Variants in SOX5 observed in about 807,000 individuals in gnomAD.
SOX5 encodes SRY-box transcription factor 5.
A neutral mutation model predicts 92.0 loss-of-function variants in SOX5; 9 were observed. That is an observed-to-expected ratio of 0.10 (90% CI 0.06 to 0.17). The LOEUF is 0.17. Among genes scored for constraint, SOX5 ranks in the 10% least tolerant of loss-of-function variants. SOX5 has a pLI of 1.00. For missense variants in SOX5, 642 were observed against 944.5 expected, an observed-to-expected ratio of 0.68 and a Z score of 4.20; for synonymous variants, 344 against 336.3, an observed-to-expected ratio of 1.02 and a Z score of -0.25.
chr12:23,738,575 A>C (rs1485481251), intron 5 of SOX5: 3 of 152,140 alleles, frequency 2.0e-5, no homozygotes, highest in Non-Finnish European at 2.9e-5. Flanking sequence ...AGGTCTTGGG[A>C]AAGTATTAGA....
intron 2 of SOX5, among the ~76,000 whole-genome samples, chr12:24,356,326 T>A (rs1003772645): frequency 6.6e-6 from 1 of 152,112 alleles, no homozygotes. Flanking sequence ...AAGAGATGAA[T>A]ATAGTGAGTT....
intron 1 of SOX5, among the ~76,000 whole-genome samples, chr12:24,474,459 T>C (rs1171929911): frequency 2.0e-5 from 3 of 152,142 alleles, no homozygotes; most frequent in Non-Finnish European, 4.4e-5. Context: ...CATGGGGAAA[T>C]TTTGTTCTGT....
intron 8 of SOX5, among the ~76,000 whole-genome samples, chr12:23,626,476 G>T (rs912332719): frequency 2.6e-5 from 4 of 152,024 alleles, no homozygotes; most frequent in African/African-American, 9.7e-5. Context: ...TGGATCTTCA[G>T]TGCTGGCTTG....
At chr12:23,574,118 A>G (rs1368194601) in intron 10 of SOX5, among the ~76,000 whole-genome samples, 2 of 151,898 alleles carry the variant, frequency 1.3e-5, no homozygotes, top group Non-Finnish European at 2.9e-5. Context: ...TCTATATTAT[A>G]GTATTAATAT....
intron 1 of SOX5, among the ~76,000 whole-genome samples, chr12:24,390,461 C>T (rs75573841): frequency 7.2e-5 from 11 of 152,040 alleles, no homozygotes; most frequent in African/African-American, 1.2e-4. Flanking sequence ...TTAGGGGGTA[C>T]GCATGCAGTT....
chr12:24,409,019 T>G (rs1405874338), intron 1 of SOX5, among the ~76,000 whole-genome samples: 1 of 152,166 alleles, frequency 6.6e-6, no homozygotes, highest in African/African-American at 2.4e-5. Context: ...TAAAGACACA[T>G]GCACACAAAT....
chr12:23,572,891 T>C (rs1948588819), intron 10 of SOX5, among the ~76,000 whole-genome samples: 1 of 152,176 alleles, frequency 6.6e-6, no homozygotes, highest in African/African-American at 2.4e-5. Flanking sequence ...GTTCCTCTTT[T>C]CACTGTGGCC....
At chr12:24,449,857 C>T (rs1284445207) in intron 1 of SOX5, among the ~76,000 whole-genome samples, 1 of 152,150 alleles carries the variant, frequency 6.6e-6, no homozygotes, top group Non-Finnish European at 1.5e-5. Flanking sequence ...GCCCCTCAGT[C>T]CTTTGTGTAT....
chr12:24,017,455 C>G (rs1363859434), intron 4 of SOX5, among the ~76,000 whole-genome samples: 2 of 151,964 alleles, frequency 1.3e-5, no homozygotes, highest in Non-Finnish European at 2.9e-5. Flanking sequence ...AAAAAATTAG[C>G]AGAGCGTGGT....
intron 1 of SOX5, among the ~76,000 whole-genome samples, chr12:23,915,774 T>C (rs35935113): frequency 0.35 from 53,333 of 152,092 alleles, 10,161 homozygotes; most frequent in Non-Finnish European, 0.44. Flanking sequence ...CAGTAGGACA[T>C]GTTATTGTAA....
intron 10 of SOX5, among the ~76,000 whole-genome samples, chr12:23,575,292 A>T (rs577320272): frequency 7.4e-4 from 112 of 152,342 alleles, no homozygotes; most frequent in African/African-American, 2.5e-3. Flanking sequence ...ATCATAATGT[A>T]TACTTTGTGC....
intron 1 of SOX5, among the ~76,000 whole-genome samples, chr12:24,386,006 T>C (rs973264960): frequency 6.6e-6 from 1 of 151,768 alleles, no homozygotes; most frequent in Non-Finnish European, 1.5e-5. Context: ...TTTTAAAATC[T>C]TTACTAACTA....
chr12:23,793,296 G>A (rs2095508348), intron 3 of SOX5, among the ~76,000 whole-genome samples: 1 of 152,068 alleles, frequency 6.6e-6, no homozygotes, highest in Admixed American at 6.6e-5. Context: ...TTTATTAAGT[G>A]CCTACTCGGT....
intron 1 of SOX5, among the ~76,000 whole-genome samples, chr12:24,442,389 C>T (rs2137204270): frequency 6.6e-6 from 1 of 152,188 alleles, no homozygotes; most frequent in East Asian, 1.9e-4. Flanking sequence ...TATCCAAGAA[C>T]ATTATATTCT....
intron 4 of SOX5, among the ~76,000 whole-genome samples, chr12:24,148,372 G>A (rs1207333213): frequency 1.3e-5 from 2 of 150,216 alleles, no homozygotes; most frequent in Non-Finnish European, 3.0e-5. Flanking sequence ...ATGTGCACCT[G>A]TAATCCCAGC....
intron 3 of SOX5, among the ~76,000 whole-genome samples, chr12:23,773,674 C>G (rs2141593481): frequency 6.6e-6 from 1 of 151,862 alleles, no homozygotes; most frequent in Middle Eastern, 3.4e-3. Context: ...GCCTGGCCTA[C>G]CAGGGCATTT....
chr12:23,557,280 T>A (rs1305747873), intron 11 of SOX5, among the ~76,000 whole-genome samples: 2 of 152,200 alleles, frequency 1.3e-5, no homozygotes. Flanking sequence ...TTAATTAAAA[T>A]ATACATGTTA....
intron 1 of SOX5, among the ~76,000 whole-genome samples, chr12:23,905,351 C>A (rs972790263): frequency 6.6e-6 from 1 of 152,154 alleles, no homozygotes; most frequent in Non-Finnish European, 1.5e-5. Context: ...CTGTAAATCA[C>A]TAAAATTTTA....
chr12:23,674,836 A>G (rs1593177380), intron 6 of SOX5, among the ~76,000 whole-genome samples: 1 of 151,880 alleles, frequency 6.6e-6, no homozygotes, highest in Non-Finnish European at 1.5e-5. Flanking sequence ...ATACTACTAT[A>G]TATTACTTTA....
Sources: allele counts gnomAD v4.1 joint callset (sites outside exome capture counted in the v4.1 genomes callset), GRCh38; gene constraint gnomAD v4.1.1; transcripts MANE v1.5; gene names NCBI Gene and HGNC (gene_info 2026-07-23, HGNC 2026-07-21).